Variants in DRC8 observed in about 807,000 individuals in gnomAD.
DRC8 encodes the protein dynein regulatory complex subunit 8.
chr1:245,042,337 C>T, the DRC8 span, among the ~76,000 whole-genome samples: 7 of 152,222 alleles, frequency 4.6e-5, no homozygotes, highest in Non-Finnish European at 1.5e-5. Context: ...AGAAATAACA[C>T]TGCAGCAAGT....
chr1:245,084,070 C>CCCCCCCCCCG, the DRC8 span, among the ~76,000 whole-genome samples: 1 of 119,170 alleles, frequency 8.4e-6, no homozygotes, highest in African/African-American at 3.1e-5. Flanking sequence ...CCGCCCCCCC[C>CCCCCCCCCCG]CCGGCGCCCC....
the DRC8 span, among the ~76,000 whole-genome samples, chr1:245,042,682 C>G: frequency 1.3e-5 from 2 of 152,182 alleles, no homozygotes; most frequent in Non-Finnish European, 2.9e-5. Flanking sequence ...TTCTCTTATC[C>G]TTAGCATAAT....
the DRC8 span, among the ~76,000 whole-genome samples, chr1:245,022,406 C>T: frequency 3.9e-5 from 6 of 152,070 alleles, no homozygotes; most frequent in Admixed American, 6.5e-5. Flanking sequence ...TCAAGTGACC[C>T]GCCCGCCTCA....
chr1:245,122,504 C>G, the DRC8 span: 2 of 153,176 alleles, frequency 1.3e-5, no homozygotes, highest in African/African-American at 2.4e-5. Context: ...GTCACCCCAG[C>G]TGGAATGCAG....
the DRC8 span, among the ~76,000 whole-genome samples, chr1:245,080,300 G>T: frequency 6.6e-6 from 1 of 152,166 alleles, no homozygotes; most frequent in South Asian, 2.1e-4. Flanking sequence ...GTTTTGTTCA[G>T]CCACTCCATC....
chr1:245,025,025 C>G, the DRC8 span, among the ~76,000 whole-genome samples: 2 of 151,916 alleles, frequency 1.3e-5, no homozygotes, highest in Non-Finnish European at 2.9e-5. Context: ...TTTCACTCTA[C>G]TTTTACTTTC....
the DRC8 span, among the ~76,000 whole-genome samples, chr1:245,044,499 TC>T: frequency 6.6e-6 from 1 of 152,110 alleles, no homozygotes; most frequent in Non-Finnish European, 1.5e-5. Flanking sequence ...TTTTATTTTA[TC>T]ATTTATTTAT....
chr1:245,048,190 A>G, the DRC8 span, among the ~76,000 whole-genome samples: 236 of 152,248 alleles, frequency 1.6e-3, 2 homozygotes, highest in African/African-American at 5.5e-3. Context: ...TGAAGGGTCC[A>G]CTGTGCCTTT....
At chr1:244,990,066 GT>G in the DRC8 span, among the ~76,000 whole-genome samples, 1 of 152,178 alleles carries the variant, frequency 6.6e-6, no homozygotes, top group African/African-American at 2.4e-5. Context: ...CATGAACATT[GT>G]CATGGCTCGG....
chr1:245,115,288 TCTGC>T, the DRC8 span, among the ~76,000 whole-genome samples: 1 of 152,144 alleles, frequency 6.6e-6, no homozygotes. Context: ...GTTCAAGCAA[TCTGC>T]CTGCCTCAGC....
At chr1:245,096,041 T>C in the DRC8 span, among the ~76,000 whole-genome samples, 2 of 152,264 alleles carry the variant, frequency 1.3e-5, no homozygotes, top group Non-Finnish European at 2.9e-5. Flanking sequence ...CACAGCAATG[T>C]ACTGAAAGAT....
chr1:245,059,361 C>T, the DRC8 span: 3 of 1,580,770 alleles, frequency 1.9e-6, no homozygotes, highest in Non-Finnish European at 2.6e-6. Flanking sequence ...TATTCTAAAA[C>T]CATTGAAAAC....
chr1:245,027,419 A>G, the DRC8 span, among the ~76,000 whole-genome samples: 2 of 152,194 alleles, frequency 1.3e-5, no homozygotes, highest in Admixed American at 6.5e-5. Context: ...TGTGGGAAGG[A>G]CTTACTTTAA....
chr1:245,027,422 T>TA, the DRC8 span, among the ~76,000 whole-genome samples: 6 of 152,182 alleles, frequency 3.9e-5, no homozygotes, highest in African/African-American at 1.2e-4. Flanking sequence ...GGGAAGGACT[T>TA]ACTTTAATTT....
At chr1:245,044,247 T>C in the DRC8 span, among the ~76,000 whole-genome samples, 1 of 152,182 alleles carries the variant, frequency 6.6e-6, no homozygotes, top group Non-Finnish European at 1.5e-5. Flanking sequence ...AGTGATTTCA[T>C]GTTTGTAATT....
At chr1:245,114,844 G>A in the DRC8 span, among the ~76,000 whole-genome samples, 1 of 152,096 alleles carries the variant, frequency 6.6e-6, no homozygotes, top group Non-Finnish European at 1.5e-5. Flanking sequence ...TCTTGCCTCA[G>A]CCTCCCGAGT....
the DRC8 span, chr1:245,091,627 CT>C: frequency 6.6e-6 from 1 of 152,326 alleles, no homozygotes; most frequent in African/African-American, 2.4e-5. Context: ...GCAATCCTCT[CT>C]GTTTAGTCTC....
the DRC8 span, among the ~76,000 whole-genome samples, chr1:244,977,251 G>A: frequency 1.3e-5 from 2 of 152,098 alleles, no homozygotes; most frequent in Non-Finnish European, 2.9e-5. Flanking sequence ...TGAACTATAT[G>A]GTTAAAAGTG....
chr1:245,117,617 T>G, the DRC8 span, among the ~76,000 whole-genome samples: 1 of 151,762 alleles, frequency 6.6e-6, no homozygotes, highest in African/African-American at 2.4e-5. Context: ...GAGATGAAGT[T>G]TCACCATGTT....
Sources: allele counts gnomAD v4.1 joint callset (sites outside exome capture counted in the v4.1 genomes callset), GRCh38; gene constraint gnomAD v4.1.1; transcripts MANE v1.5; gene names NCBI Gene and HGNC (gene_info 2026-07-23, HGNC 2026-07-21).